Variants in MYO16 observed in about 807,000 individuals in gnomAD.
The protein encoded by MYO16 is myosin XVI.
MYO16 carries 94 observed loss-of-function variants against 205.3 expected under a neutral mutation model. That is an observed-to-expected ratio of 0.46 (90% CI 0.39 to 0.54). The LOEUF is 0.54. Among genes scored for constraint, MYO16 ranks in the 20% least tolerant of loss-of-function variants. The pLI, the probability that MYO16 is intolerant of heterozygous loss-of-function variation, is 0.00. For synonymous variants in MYO16, 988 were observed against 954.0 expected, an observed-to-expected ratio of 1.04 and a Z score of -0.66; for missense variants, 2,315 against 2,387.5, an observed-to-expected ratio of 0.97 and a Z score of 0.63.
intron 2 of MYO16, among the ~76,000 whole-genome samples, chr13:108,677,335 G>GTATATATATATATATATGCATA (rs1882262679): frequency 1.1e-5 from 1 of 87,478 alleles, no homozygotes; most frequent in African/African-American, 5.0e-5. Context: ...GTGTGTGTGT[G>GTATATATATATATATATGCATA]TATATATATA....
intron 16 of MYO16, among the ~76,000 whole-genome samples, chr13:108,917,927 T>C (rs528319494): frequency 6.6e-6 from 1 of 152,354 alleles, no homozygotes; most frequent in Admixed American, 6.5e-5. Flanking sequence ...CTCATGATAA[T>C]TGTGGAAGAT....
At chr13:108,938,234 C>G (rs140786696) in intron 16 of MYO16, among the ~76,000 whole-genome samples, 3 of 152,094 alleles carry the variant, frequency 2.0e-5, no homozygotes, top group African/African-American at 7.2e-5. Context: ...CTTTGCAGTT[C>G]ATCCTATAAG....
At chr13:109,147,350 A>G (rs139110328) in intron 32 of MYO16, among the ~76,000 whole-genome samples, 1 of 152,294 alleles carries the variant, frequency 6.6e-6, no homozygotes, top group Non-Finnish European at 1.5e-5. Context: ...GATGCTTTAC[A>G]ATGACTCAAA....
At chr13:108,501,084 A>C in the MYO16 span, among the ~76,000 whole-genome samples, 14 of 152,026 alleles carry the variant, frequency 9.2e-5, no homozygotes, top group Non-Finnish European at 1.5e-5. Flanking sequence ...CTTCCCCCAA[A>C]TACCCCACTT....
chr13:109,130,799 T>C (rs1313929364), intron 31 of MYO16, among the ~76,000 whole-genome samples: 1 of 152,222 alleles, frequency 6.6e-6, no homozygotes, highest in Non-Finnish European at 1.5e-5. Flanking sequence ...AATCCGAGTA[T>C]AATCTAAGTC....
the MYO16 span, among the ~76,000 whole-genome samples, chr13:108,585,120 T>C: frequency 6.6e-6 from 1 of 152,204 alleles, no homozygotes; most frequent in African/African-American, 2.4e-5. Flanking sequence ...TCAAACTCTG[T>C]AAAATATTTT....
intron 33 of MYO16, among the ~76,000 whole-genome samples, chr13:109,166,155 A>T (rs1192923599): frequency 1.3e-5 from 2 of 152,214 alleles, no homozygotes; most frequent in Non-Finnish European, 2.9e-5. Context: ...GTCCACAGGG[A>T]TTCAAAAGGT....
At chr13:109,071,501 C>T (rs1887925389) in intron 27 of MYO16, among the ~76,000 whole-genome samples, 1 of 152,116 alleles carries the variant, frequency 6.6e-6, no homozygotes, top group Non-Finnish European at 1.5e-5. Flanking sequence ...CTTTTTCCAG[C>T]TCTGATCATT....
At chr13:108,919,239 C>T (rs4773009) in intron 16 of MYO16, among the ~76,000 whole-genome samples, 3,948 of 152,360 alleles carry the variant, frequency 0.026, 240 homozygotes, top group East Asian at 0.17. Context: ...CATGCAGTCC[C>T]ATGGCCCTGG....
rs569820007 is a variant in MYO16, at chr13:108,998,349, G to T, written c.2442+5901G>T. 2.6e-5 allele frequency among the ~76,000 whole-genome samples: 4 copies of T among 152,148 alleles called. No homozygotes were observed. In the East Asian group the frequency reaches 7.7e-4, roughly 29 times the overall value. ...TTCATTCATTCAATAAACATATATT[G>T]TATATGCCCCAAGTTCCAGACCCTG... On this transcript the variant is annotated intron_variant, in intron 21 of 34. Transcript: ENST00000457511.
intron 28 of MYO16, among the ~76,000 whole-genome samples, chr13:109,110,331 T>C (rs531242184): frequency 6.6e-6 from 1 of 152,348 alleles, no homozygotes; most frequent in African/African-American, 2.4e-5. Flanking sequence ...ATTTCCATAA[T>C]GAAATAACGT....
At chr13:108,894,614 T>C (rs1035888799) in intron 14 of MYO16, among the ~76,000 whole-genome samples, 5 of 152,204 alleles carry the variant, frequency 3.3e-5, no homozygotes, top group African/African-American at 1.2e-4. Flanking sequence ...GGTGATTATA[T>C]GCAGGTCAAA....
chr13:108,941,263 A>G (rs1882708669), intron 16 of MYO16, among the ~76,000 whole-genome samples: 1 of 152,112 alleles, frequency 6.6e-6, no homozygotes, highest in South Asian at 2.1e-4. Context: ...CAGACAGGAG[A>G]GGTCACTGGG....
chr13:108,510,397 G>T, the MYO16 span, among the ~76,000 whole-genome samples: 1 of 143,844 alleles, frequency 7.0e-6, no homozygotes, highest in Non-Finnish European at 1.5e-5. Context: ...GATTACAGGC[G>T]TGAGCCACCA....
chr13:109,020,420 C>T (rs913144160), intron 23 of MYO16, among the ~76,000 whole-genome samples: 7 of 152,138 alleles, frequency 4.6e-5, no homozygotes, highest in Non-Finnish European at 1.0e-4. Context: ...TAAAAATGAT[C>T]ATTCTCCTTA....
At chr13:108,585,275 T>G in the MYO16 span, among the ~76,000 whole-genome samples, 3 of 152,154 alleles carry the variant, frequency 2.0e-5, no homozygotes, top group Non-Finnish European at 4.4e-5. Context: ...TCAAATACAT[T>G]TAAGAAATAC....
At chr13:108,627,533 T>TTA (rs1879790375), upstream of MYO16, among the ~76,000 whole-genome samples, 1 of 152,268 alleles carries the variant, frequency 6.6e-6, no homozygotes, top group Admixed American at 6.5e-5. Flanking sequence ...CAAGTTTCTC[T>TTA]TATAGCACAA....
intron 21 of MYO16, among the ~76,000 whole-genome samples, chr13:108,995,289 G>A (rs1259586244): frequency 6.6e-6 from 1 of 152,054 alleles, no homozygotes. Flanking sequence ...CCTTTATTAA[G>A]GGCACTAATC....
chr13:108,690,441 G>A (rs1200610560), intron 2 of MYO16, among the ~76,000 whole-genome samples: 1 of 55,072 alleles, frequency 1.8e-5, no homozygotes, highest in Non-Finnish European at 3.3e-5. Flanking sequence ...GTGCTTTGGA[G>A]CAGAAACATT....
Sources: allele counts gnomAD v4.1 joint callset (sites outside exome capture counted in the v4.1 genomes callset), GRCh38; gene constraint gnomAD v4.1.1; transcripts MANE v1.5; gene names NCBI Gene and HGNC (gene_info 2026-07-23, HGNC 2026-07-21).